The following ANO3 variants were observed in gnomAD, a reference collection of about 807,000 sequenced individuals.
ANO3 encodes anoctamin 3.
ANO3 carries 99 observed loss-of-function variants against 144.8 expected under a neutral mutation model. That is an observed-to-expected ratio of 0.68 (90% CI 0.58 to 0.81). The LOEUF is 0.81. ANO3 is among the 30% of genes least tolerant of loss of function. The pLI, the probability that ANO3 is intolerant of heterozygous loss-of-function variation, is 0.00. For synonymous variants in ANO3, 414 were observed against 392.6 expected (o/e 1.05, Z -0.64); for missense variants, 905 against 1,202.2 (o/e 0.75, Z 3.66).
chr11:26,548,091 T>C (rs929413304), intron 12 of ANO3, among the ~76,000 whole-genome samples: 1 of 152,002 alleles, frequency 6.6e-6, no homozygotes, highest in African/African-American at 2.4e-5. Context: ...TCTACTCTCC[T>C]GAGTACGTGA....
Position 26,647,594 on chromosome 11 carries a change from A to G in ANO3, c.2429-115A>G, listed in dbSNP as rs1014751958. ...GAGATAGTATAATAAGAAAGCACATAGTGGACAGAGCTGTGGTTCCAACAT... is the reference window on the plus strand; with the variant it reads ...GAGATAGTATAATAAGAAAGCACATGGTGGACAGAGCTGTGGTTCCAACAT... On this transcript the variant is annotated intron_variant, in intron 23 of 26. Coordinates refer to ENST00000256737, the MANE Select transcript of ANO3 (RefSeq NM_031418.4). 13 of 899,134 alleles carry G rather than the reference A, an allele frequency of 1.4e-5. No homozygotes were observed. In the African/African-American group the frequency reaches 1.7e-4, roughly 12 times the overall value. 55.7% of individuals were successfully genotyped at this position (899,134 alleles called of 1,614,324 possible).
At chr11:26,492,759 C>T (rs1021627388) in intron 4 of ANO3, among the ~76,000 whole-genome samples, 2 of 152,128 alleles carry the variant, frequency 1.3e-5, no homozygotes, top group African/African-American at 4.8e-5. Context: ...AACACAAAAT[C>T]AATTTTTAGT....
chr11:26,358,170 CTTTTTTTTTTT>C (rs34078380), intron 1 of ANO3, among the ~76,000 whole-genome samples: 1 of 119,690 alleles, frequency 8.4e-6, no homozygotes, highest in Non-Finnish European at 1.7e-5. Flanking sequence ...ACAATTTCAA[CTTTTTTTTTTT>C]TTTTTTTTTG....
intron 1 of ANO3, among the ~76,000 whole-genome samples, chr11:26,228,142 G>C (rs74812979): frequency 0.034 from 5,221 of 152,258 alleles, 142 homozygotes; most frequent in Middle Eastern, 0.085. Flanking sequence ...TGGCTTAGCC[G>C]AAAGGGTATG....
At chr11:26,211,267 T>C (rs1196580506) in intron 1 of ANO3, among the ~76,000 whole-genome samples, 2 of 151,968 alleles carry the variant, frequency 1.3e-5, no homozygotes, top group African/African-American at 2.4e-5. Context: ...ACTGGGTAAA[T>C]AACGAAATTA....
chr11:26,289,660 T>A (rs1223593809), intron 1 of ANO3, among the ~76,000 whole-genome samples: 1 of 99,500 alleles, frequency 1.0e-5, no homozygotes, highest in Non-Finnish European at 2.1e-5. Flanking sequence ...ATATTCTATA[T>A]GTGTGTATAT....
intron 6 of ANO3, among the ~76,000 whole-genome samples, chr11:26,523,414 A>G (rs567108219): frequency 6.6e-6 from 1 of 152,334 alleles, no homozygotes; most frequent in South Asian, 2.1e-4. Context: ...GGCGCAAGGC[A>G]TCCGCCAAAG....
At chr11:26,582,103 T>C (rs1254709728) in intron 14 of ANO3, among the ~76,000 whole-genome samples, 9 of 152,218 alleles carry the variant, frequency 5.9e-5, no homozygotes, top group Non-Finnish European at 1.2e-4. Context: ...GTCAGATGAT[T>C]AGAAATATAT....
chr11:26,325,614 T>C (rs1376042961), intron 1 of ANO3, among the ~76,000 whole-genome samples: 1 of 152,202 alleles, frequency 6.6e-6, no homozygotes, highest in Non-Finnish European at 1.5e-5. Context: ...ATCCTAAGAC[T>C]TGTTTTGTCA....
At chr11:26,398,245 A>C (rs1857066371) in intron 1 of ANO3, among the ~76,000 whole-genome samples, 1 of 152,064 alleles carries the variant, frequency 6.6e-6, no homozygotes, top group South Asian at 2.1e-4. Flanking sequence ...GCTAAATGTC[A>C]TAAGTGATTT....
At chr11:26,595,460 G>GTTTTTTTGTTTTTTTTTTT (rs1851585322) in intron 14 of ANO3, among the ~76,000 whole-genome samples, 1 of 101,384 alleles carries the variant, frequency 9.9e-6, no homozygotes, top group African/African-American at 4.2e-5. Context: ...AGATAGAGTT[G>GTTTTTTTGTTTTTTTTTTT]TTTTTTTTTT....
chr11:26,318,151 T>C (rs1854671359), intron 1 of ANO3, among the ~76,000 whole-genome samples: 1 of 152,104 alleles, frequency 6.6e-6, no homozygotes, highest in Non-Finnish European at 1.5e-5. Context: ...GAGAAATACC[T>C]AATGTAGATG....
At chr11:26,367,786 A>G (rs1327066475) in intron 1 of ANO3, among the ~76,000 whole-genome samples, 1 of 152,204 alleles carries the variant, frequency 6.6e-6, no homozygotes, top group Non-Finnish European at 1.5e-5. Context: ...TGAAGCATCA[A>G]GGAGCTTTCA....
At chr11:26,474,521 G>A (rs970655447) in intron 4 of ANO3, among the ~76,000 whole-genome samples, 5 of 151,706 alleles carry the variant, frequency 3.3e-5, no homozygotes, top group Non-Finnish European at 5.9e-5. Flanking sequence ...CATCAAAATA[G>A]AAAGTCAGAA....
chr11:26,442,463 A>C (rs926192911), intron 2 of ANO3, among the ~76,000 whole-genome samples: 3 of 152,200 alleles, frequency 2.0e-5, no homozygotes, highest in African/African-American at 7.2e-5. Context: ...TGTCATCAGT[A>C]ATAAACTGTT....
chr11:26,624,921 C>CT (rs34454148), intron 18 of ANO3, among the ~76,000 whole-genome samples: 10,477 of 144,476 alleles, frequency 0.073, 577 homozygotes, highest in Admixed American at 0.19. Flanking sequence ...TACTTTTTAA[C>CT]TTTTTTTTTT....
chr11:26,204,114 T>C (rs1390204109), intron 1 of ANO3, among the ~76,000 whole-genome samples: 3 of 152,102 alleles, frequency 2.0e-5, no homozygotes, highest in African/African-American at 7.2e-5. Context: ...TTCTGGAGAC[T>C]TTCCCTGATC....
chr11:26,408,236 G>T (rs1197154982), intron 1 of ANO3, among the ~76,000 whole-genome samples: 2 of 151,656 alleles, frequency 1.3e-5, no homozygotes, highest in African/African-American at 2.4e-5. Context: ...CTGACAAAGG[G>T]CTAATATCCA....
intron 17 of ANO3, among the ~76,000 whole-genome samples, chr11:26,607,697 T>C (rs1375894160): frequency 6.6e-6 from 1 of 152,210 alleles, no homozygotes; most frequent in Non-Finnish European, 1.5e-5. Context: ...TGCTCCTGTA[T>C]TGGGTGCATA....
Sources: allele counts gnomAD v4.1 joint callset (sites outside exome capture counted in the v4.1 genomes callset), GRCh38; gene constraint gnomAD v4.1.1; transcripts MANE v1.5; gene names NCBI Gene and HGNC (gene_info 2026-07-23, HGNC 2026-07-21).